The following PLXNA4 variants were observed in gnomAD, a reference collection of about 807,000 sequenced individuals.
PLXNA4 encodes plexin-A4.
Under a neutral mutation model 191.8 loss-of-function variants are expected in PLXNA4, and 44 were observed. The observed-to-expected ratio is 0.23, with a 90% CI of 0.18 to 0.29. The LOEUF (loss-of-function observed/expected upper bound fraction) is 0.29. PLXNA4 is among the 10% of genes least tolerant of loss of function. PLXNA4 has a pLI of 1.00. For missense variants in PLXNA4, 1,800 were observed against 2,488.8 expected (o/e 0.72, Z 5.89); for synonymous variants, 1,082 against 1,009.5 (o/e 1.07, Z -1.36).
At chr7:132,344,122 A>G (rs1441229083) in intron 3 of PLXNA4, among the ~76,000 whole-genome samples, 1 of 152,152 alleles carries the variant, frequency 6.6e-6, no homozygotes, top group Non-Finnish European at 1.5e-5. Context: ...CTGCATGTAG[A>G]ACAGGTTAAA....
intron 3 of PLXNA4, among the ~76,000 whole-genome samples, chr7:132,399,278 A>G (rs926191908): frequency 2.0e-5 from 3 of 152,236 alleles, no homozygotes; most frequent in African/African-American, 7.2e-5. Context: ...ATCAGCTTGT[A>G]TGTCAGTCAA....
At chr7:132,488,275 TG>T (rs1239677089) in intron 3 of PLXNA4, among the ~76,000 whole-genome samples, 2 of 152,240 alleles carry the variant, frequency 1.3e-5, no homozygotes, top group East Asian at 3.9e-4. Context: ...GTTACATTGT[TG>T]GATGGTAAAA....
intron 3 of PLXNA4, among the ~76,000 whole-genome samples, chr7:132,302,394 G>A (rs1024861901): frequency 5.9e-5 from 9 of 152,136 alleles, no homozygotes; most frequent in Admixed American, 5.9e-4. Context: ...CATGCCTGCT[G>A]TACTCAGTGC....
At chr7:132,205,461 G>T (rs1027210616) in intron 10 of PLXNA4, among the ~76,000 whole-genome samples, 2 of 152,158 alleles carry the variant, frequency 1.3e-5, no homozygotes, top group African/African-American at 2.4e-5. Context: ...AGGGAGAAGG[G>T]TATAAGAGAG....
intron 1 of PLXNA4, among the ~76,000 whole-genome samples, chr7:132,559,111 A>G (rs1408806053): frequency 6.6e-6 from 1 of 152,166 alleles, no homozygotes; most frequent in Non-Finnish European, 1.5e-5. Flanking sequence ...CTAGTAAGGA[A>G]ACAATGTGCC....
At chr7:132,600,508 G>A (rs1042209166) in intron 2 of PLXNA4, among the ~76,000 whole-genome samples, 1 of 152,094 alleles carries the variant, frequency 6.6e-6, no homozygotes, top group Admixed American at 6.6e-5. Flanking sequence ...GAACACACGT[G>A]TGTGCCACTA....
intron 3 of PLXNA4, among the ~76,000 whole-genome samples, chr7:132,429,391 A>T (rs1346243338): frequency 3.0e-5 from 4 of 132,822 alleles, no homozygotes. Flanking sequence ...AACTTTTCCC[A>T]GGAAGGGTCA....
At chr7:132,426,037 C>A (rs891284134) in intron 3 of PLXNA4, among the ~76,000 whole-genome samples, 1 of 152,204 alleles carries the variant, frequency 6.6e-6, no homozygotes, top group African/African-American at 2.4e-5. Context: ...AGGAAGGTGG[C>A]ACAGGGCAGT....
At chr7:132,170,551 G>A (rs1796253665) in intron 21 of PLXNA4, among the ~76,000 whole-genome samples, 2 of 152,240 alleles carry the variant, frequency 1.3e-5, no homozygotes, top group African/African-American at 2.4e-5. Flanking sequence ...AGTCGCAGAG[G>A]GTGGCAGAAC....
At chr7:132,490,937 G>T (rs1424988646) in intron 2 of PLXNA4, among the ~76,000 whole-genome samples, 1 of 152,026 alleles carries the variant, frequency 6.6e-6, no homozygotes, top group Non-Finnish European at 1.5e-5. Context: ...TGAAACAGAG[G>T]GTCTCAGCTG....
chr7:132,549,385 C>T (rs1039353683), intron 1 of PLXNA4, among the ~76,000 whole-genome samples: 5 of 152,100 alleles, frequency 3.3e-5, no homozygotes, highest in African/African-American at 1.2e-4. Context: ...ACTACTCACA[C>T]CCTTGAGGTG....
chr7:132,470,964 C>T (rs1051305283), intron 3 of PLXNA4, among the ~76,000 whole-genome samples: 4 of 152,138 alleles, frequency 2.6e-5, no homozygotes, highest in African/African-American at 9.7e-5. Context: ...TATGAGTCCC[C>T]GCCCAAATCT....
At chr7:132,588,512 T>C (rs1481164405) in intron 2 of PLXNA4, among the ~76,000 whole-genome samples, 5 of 152,028 alleles carry the variant, frequency 3.3e-5, no homozygotes, top group African/African-American at 9.7e-5. Context: ...AAAGCACCCA[T>C]ATTTTCCTCC....
intron 3 of PLXNA4, among the ~76,000 whole-genome samples, chr7:132,463,684 C>T (rs190722033): frequency 3.9e-4 from 59 of 152,348 alleles, no homozygotes; most frequent in Non-Finnish European, 5.6e-4. Context: ...ATTCTTCCCT[C>T]TGGCTTACGG....
chr7:132,193,737 A>G (rs1465555696), intron 14 of PLXNA4, among the ~76,000 whole-genome samples: 1 of 152,214 alleles, frequency 6.6e-6, no homozygotes, highest in Non-Finnish European at 1.5e-5. Flanking sequence ...AAATCCCAGG[A>G]GTTGCCTTGT....
chr7:132,635,737 A>G (rs1276629157), intron 2 of PLXNA4, among the ~76,000 whole-genome samples: 2 of 152,144 alleles, frequency 1.3e-5, no homozygotes, highest in Non-Finnish European at 2.9e-5. Flanking sequence ...CAGCAACAGC[A>G]TCAGGAAGTT....
At chr7:132,360,403 A>G (rs2116848688) in intron 3 of PLXNA4, among the ~76,000 whole-genome samples, 1 of 152,298 alleles carries the variant, frequency 6.6e-6, no homozygotes, top group Non-Finnish European at 1.5e-5. Context: ...CCCAGGCATC[A>G]TCTTTGCCTA....
At chr7:132,402,882 G>A (rs1004012667) in intron 3 of PLXNA4, among the ~76,000 whole-genome samples, 11 of 152,218 alleles carry the variant, frequency 7.2e-5, no homozygotes, top group Non-Finnish European at 1.3e-4. Flanking sequence ...TGCTGAGCAC[G>A]CCCACCCATT....
intron 4 of PLXNA4, among the ~76,000 whole-genome samples, chr7:132,296,766 G>C (rs1207263433): frequency 6.6e-6 from 1 of 152,100 alleles, no homozygotes; most frequent in Non-Finnish European, 1.5e-5. Flanking sequence ...GGAGTGGGGA[G>C]TGTGGAAGCT....
Sources: gnomAD v4.1 joint callset for allele counts (sites outside exome capture counted in the v4.1 genomes callset) on GRCh38, gnomAD v4.1.1 for gene constraint, MANE v1.5 for transcripts, NCBI Gene and HGNC (gene_info 2026-07-23, HGNC 2026-07-21) for gene names.